The following ACVR2A variants were observed in gnomAD, a reference collection of about 807,000 sequenced individuals.
ACVR2A encodes activin receptor type-2A.
ACVR2A carries 7 observed loss-of-function variants against 61.4 expected under a neutral mutation model. The observed-to-expected ratio is 0.11, with a 90% CI of 0.06 to 0.21. The LOEUF (loss-of-function observed/expected upper bound fraction) is 0.21. ACVR2A is among the 10% of genes least tolerant of loss of function. ACVR2A has a pLI of 1.00. For missense variants in ACVR2A, 322 were observed against 621.7 expected (o/e 0.52, Z 5.13); for synonymous variants, 193 against 208.3 (o/e 0.93, Z 0.63).
At chr2:147,854,374 G>A (rs1352255427) in intron 1 of ACVR2A, among the ~76,000 whole-genome samples, 2 of 152,064 alleles carry the variant, frequency 1.3e-5, no homozygotes, top group African/African-American at 2.4e-5. Context: ...CTTTTTAAGT[G>A]TTTTAAAACT....
intron 2 of ACVR2A, among the ~76,000 whole-genome samples, chr2:147,899,046 T>G (rs1041671865): frequency 6.6e-6 from 1 of 152,132 alleles, no homozygotes; most frequent in Non-Finnish European, 1.5e-5. Flanking sequence ...GTTTTATATA[T>G]AGTTTTCAGT....
intron 4 of ACVR2A, among the ~76,000 whole-genome samples, chr2:147,905,910 T>C (rs1174569180): frequency 2.0e-5 from 3 of 152,254 alleles, no homozygotes; most frequent in African/African-American, 7.2e-5. Flanking sequence ...TAAGGTAAAG[T>C]TGCACATTAA....
In ACVR2A at chr2:147,926,830, G is replaced by A. The variant is rs778353911; in HGVS notation, c.1348-250G>A. Among the ~76,000 whole-genome samples the A allele has an allele frequency of 2.4e-4, 36 of 151,630 alleles. 1 individual carries two copies. Among genetic ancestry groups the A allele is most frequent in the South Asian group, 4.1e-4 (2 of 4,822 alleles). On this transcript the variant is annotated intron_variant, in intron 10 of 10. Coordinates refer to ENST00000241416, the MANE Select transcript of ACVR2A (RefSeq NM_001616.5). ...AAGGGTTAGCATTGAAATGACCTGG[G>A]TTATGAACAAGGGATAGAGATTTTT...
intron 4 of ACVR2A, chr2:147,903,022 C>T (rs1480177093): frequency 6.6e-6 from 1 of 151,838 alleles, no homozygotes; most frequent in Non-Finnish European, 1.5e-5. Flanking sequence ...AGACATTGTT[C>T]TCATTATTAG....
chr2:147,883,336 G>A (rs1049798427), intron 1 of ACVR2A, among the ~76,000 whole-genome samples: 6 of 152,200 alleles, frequency 3.9e-5, no homozygotes, highest in East Asian at 1.9e-4. Flanking sequence ...GATTATAGGC[G>A]CACGCTACCA....
chr2:147,871,144 GTCC>G (rs1686003053), intron 1 of ACVR2A, among the ~76,000 whole-genome samples: 1 of 151,886 alleles, frequency 6.6e-6, no homozygotes, highest in African/African-American at 2.4e-5. Context: ...TCAGTCTCCT[GTCC>G]TGTGCCTAGA....
intron 8 of ACVR2A, among the ~76,000 whole-genome samples, chr2:147,921,403 T>G (rs1308049861): frequency 6.6e-6 from 1 of 152,194 alleles, no homozygotes; most frequent in Non-Finnish European, 1.5e-5. Flanking sequence ...GCTAAATGGT[T>G]CAGGCCTTCG....
intron 1 of ACVR2A, among the ~76,000 whole-genome samples, chr2:147,846,991 G>T (rs1685328338): frequency 6.6e-6 from 1 of 152,002 alleles, no homozygotes; most frequent in African/African-American, 2.4e-5. Context: ...TGAAAAGCAG[G>T]CTGTCGCTAC....
chr2:147,866,243 A>G (rs904308394), intron 1 of ACVR2A, among the ~76,000 whole-genome samples: 2 of 152,218 alleles, frequency 1.3e-5, no homozygotes, highest in Admixed American at 6.5e-5. Context: ...TGAAAGTGGC[A>G]TGCGCTGGGT....
At chr2:147,926,770 A>G (rs1483102551) in intron 10 of ACVR2A, among the ~76,000 whole-genome samples, 1 of 151,922 alleles carries the variant, frequency 6.6e-6, no homozygotes, top group Non-Finnish European at 1.5e-5. Flanking sequence ...AAAAATTGGT[A>G]GGTCCCCTTT....
At chr2:147,877,382 G>A (rs556227545) in intron 1 of ACVR2A, 1 of 152,226 alleles carries the variant, frequency 6.6e-6, no homozygotes, top group East Asian at 1.9e-4. Context: ...AAGTCACAAA[G>A]TTTTTTTCAA....
chr2:147,908,289 T>A (rs1687037562), intron 4 of ACVR2A, among the ~76,000 whole-genome samples: 1 of 152,176 alleles, frequency 6.6e-6, no homozygotes, highest in East Asian at 1.9e-4. Flanking sequence ...CCTGATTCTT[T>A]TAAGCATCAA....
At chr2:147,919,698 G>GT (rs1462663306) in intron 7 of ACVR2A, among the ~76,000 whole-genome samples, 10 of 152,084 alleles carry the variant, frequency 6.6e-5, no homozygotes, top group African/African-American at 1.4e-4. Flanking sequence ...CTAGAGCAGT[G>GT]TATGTTTATG....
intron 1 of ACVR2A, among the ~76,000 whole-genome samples, chr2:147,895,540 A>C (rs969855694): frequency 6.6e-6 from 1 of 152,188 alleles, no homozygotes; most frequent in Non-Finnish European, 1.5e-5. Context: ...GCTCCTGAGA[A>C]GAGAAAAGTC....
In ACVR2A at chr2:147,926,025, T is replaced by C. The variant is rs1276458078; in HGVS notation, c.1217-6T>C. The stretch of plus-strand genomic sequence containing the variant: ...AATGATTTATTTTACTTTTCTTACT[T>C]TTCAGGACCTGTAGATGAATACATG... On this transcript the variant is annotated splice_region_variant and splice_polypyrimidine_tract_variant and intron_variant, in intron 9 of 10. Transcript: ENST00000241416. 6.3e-7 allele frequency: 1 copy of C among 1,599,504 alleles called. No individual in the cohort carries two copies. Among genetic ancestry groups the C allele is most frequent in the Non-Finnish European group, 8.5e-7 (1 of 1,175,298 alleles).
chr2:147,851,463 C>A (rs550482239), intron 1 of ACVR2A, among the ~76,000 whole-genome samples: 20 of 152,248 alleles, frequency 1.3e-4, no homozygotes, highest in Admixed American at 1.1e-3. Flanking sequence ...TCTGCTGCAG[C>A]TTCTCCTCAG....
intron 1 of ACVR2A, among the ~76,000 whole-genome samples, chr2:147,863,667 G>A (rs1206332896): frequency 6.6e-6 from 1 of 152,204 alleles, no homozygotes; most frequent in East Asian, 1.9e-4. Context: ...TTAAGTGGAA[G>A]TAGATTAGTC....
chr2:147,924,837 G>C (rs1687465272), intron 9 of ACVR2A, among the ~76,000 whole-genome samples: 1 of 151,972 alleles, frequency 6.6e-6, no homozygotes, highest in African/African-American at 2.4e-5. Flanking sequence ...TTTCTTAAAA[G>C]CTAAGCTACC....
intron 4 of ACVR2A, 138 bp from the exon 5 acceptor site, chr2:147,915,053 C>T: frequency 1.3e-6 from 1 of 755,834 alleles, no homozygotes; most frequent in East Asian, 2.7e-5. Context: ...ATTATGGCAA[C>T]ATTGAAGTTA....
Sources: gnomAD v4.1 joint callset for allele counts (sites outside exome capture counted in the v4.1 genomes callset) on GRCh38, gnomAD v4.1.1 for gene constraint, MANE v1.5 for transcripts, NCBI Gene and HGNC (gene_info 2026-07-23, HGNC 2026-07-21) for gene names.